SHC1: variants seen among roughly 807,000 people sequenced by gnomAD.
The protein encoded by SHC1 is SHC adaptor protein 1, also known as SHC-transforming protein 1.
A neutral mutation model predicts 55.9 loss-of-function variants in SHC1; 30 were observed. The ratio of observed to expected loss-of-function variants is 0.54; its 90% CI spans 0.40 to 0.73. SHC1 has a LOEUF of 0.73. SHC1 is among the 30% of genes least tolerant of loss of function. The pLI, the probability that SHC1 is intolerant of heterozygous loss-of-function variation, is 0.00. For synonymous variants in SHC1, 309 were observed against 306.1 expected, an observed-to-expected ratio of 1.01 and a Z score of -0.10; for missense variants, 675 against 777.1, an observed-to-expected ratio of 0.87 and a Z score of 1.56.
chr1:154,970,781 C>T (rs1193195224), upstream of SHC1: 3 of 389,328 alleles, frequency 7.7e-6, no homozygotes, highest in African/African-American at 2.1e-5. This position sits in a 1 kb window ranked among gnomAD's most constrained non-coding sequence, Gnocchi z 5.5. Flanking sequence ...CCCAGCGCTT[C>T]TGGCTCCTCC....
chr1:154,966,637 T>C, intron 7 of SHC1, 120 bp from the exon 8 acceptor site: 1 of 662,562 alleles, frequency 1.5e-6, no homozygotes, highest in Non-Finnish European at 2.5e-6. Flanking sequence ...TGAGGCTGAG[T>C]GTTTTATATA....
At chr1:154,965,841 G>A (rs1173027694) in intron 10 of SHC1, 60 bp from the exon 11 acceptor site, 13 of 1,576,448 alleles carry the variant, frequency 8.2e-6, no homozygotes, top group Non-Finnish European at 1.1e-5. Flanking sequence ...CCAAGACCCA[G>A]ACTTCAGGGA....
intron 11 of SHC1, chr1:154,965,250 T>A (rs1287032443): frequency 1.5e-6 from 1 of 656,690 alleles, no homozygotes; most frequent in Non-Finnish European, 2.3e-6. Context: ...TTGGTCAGGC[T>A]GGTCTCGAAC....
chr1:154,967,858 G>A, intron 6 of SHC1, 61 bp from the exon 7 acceptor site: 4 of 1,606,836 alleles, frequency 2.5e-6, no homozygotes, highest in Non-Finnish European at 3.4e-6. Context: ...ACAGACAGGG[G>A]CCCTCATCTT....
intron 11 of SHC1, chr1:154,964,226 G>C: frequency 2.0e-6 from 1 of 511,988 alleles, no homozygotes; most frequent in Non-Finnish European, 3.9e-6. Flanking sequence ...TCTCAGAAGA[G>C]TATACACAGT....
Position 154,965,653 on chromosome 1 carries a change from T to C in SHC1, c.1516A>G (p.Asn506Asp), listed in dbSNP as rs1655859919. ...CTCTCCCGTACCAGGAAGTCCCCAT[T>C]GAGCTGCAGCAGTGCCTCAGCCTCC... ...RREAEALLQLNGDFLVRESTT... is the reference protein window; with the variant it reads ...RREAEALLQLDGDFLVRESTT... Residue 506 changes from asparagine to aspartate, a missense_variant, in exon 11 of 12, where the codon AAT becomes GAT. Physicochemically the swap from Asn to Asp is conservative, Grantham distance 23 (BLOSUM62 1). Transcript: ENST00000448116. 6.8e-6 allele frequency: 11 copies of C among 1,614,014 alleles called. No homozygotes were observed. The highest frequency in any genetic ancestry group is 9.3e-6 in the Non-Finnish European group (11 of 1,179,996).
intron 11 of SHC1, 24 bp downstream of exon 11, chr1:154,965,519 C>T: frequency 6.2e-7 from 1 of 1,614,164 alleles, no homozygotes; most frequent in Non-Finnish European, 8.5e-7. Flanking sequence ...TGCCACCCCT[C>T]ACCCACACCT....
Position 154,966,456 on chromosome 1 carries a change from A to G in SHC1, c.1045T>C (p.Tyr349His). The G allele has an allele frequency of 4.3e-6, 7 of 1,612,008 alleles. No homozygotes were observed. Among genetic ancestry groups the G allele is most frequent in the Non-Finnish European group, 5.9e-6 (7 of 1,178,970 alleles). ...EEEEEPPDHQ[Y>H]YNDFPGKEPP... is the part of the protein sequence containing the mutation. ...TCCTTCCCCGGGAAGTCATTATAGT[A>G]CTGATGGTCAGGTGGCTCTTCCTCC... Residue 349 changes from tyrosine to histidine, a missense_variant, in exon 8 of 12, where the codon TAC (tyrosine) becomes CAC (histidine). By Grantham distance (83) the Tyr-to-His change is moderately conservative. Around this residue, in one of 3 missense-constraint regions of SHC1, gnomAD observed 360 missense variants for 371.1 expected, o/e 0.97. Coordinates refer to ENST00000448116, the MANE Select transcript of SHC1 (RefSeq NM_001130040.2).
chr1:154,967,563 C>T (rs1255624438), intron 7 of SHC1, 108 bp downstream of exon 7: 12 of 1,202,534 alleles, frequency 1.0e-5, no homozygotes, highest in Non-Finnish European at 1.3e-5. Context: ...GAAGCAGAGG[C>T]ACACAGGTTA....
rs764185637 is a variant in SHC1 at position 154,963,808 on chromosome 1, GT to G, written c.1749del (p.Lys583AsnfsTer6). 5.0e-6 allele frequency: 8 copies of G among 1,613,772 alleles called. No homozygotes were observed. Among genetic ancestry groups the G allele is most frequent in the African/African-American group, 1.3e-5 (1 of 74,932 alleles). The stretch of plus-strand genomic sequence containing the variant: ...GAAGAGAGCGCTAGGGCAGATCACA[GT>G]TTCCGCTCCACAGGTTGCTGTAGAC... ...ELCLQQPVER[K>X]L On this transcript the variant is annotated frameshift_variant, in exon 12 of 12. Transcript: ENST00000448116. LOFTEE classifies it high-confidence loss of function.
upstream of SHC1, among the ~76,000 whole-genome samples, chr1:154,972,879 G>A (rs986672179): frequency 2.0e-5 from 3 of 151,708 alleles, no homozygotes; most frequent in African/African-American, 7.3e-5. Context: ...TAGGGGGAGG[G>A]GAAGAGACAG....
intron 7 of SHC1, 133 bp from the exon 8 acceptor site, chr1:154,966,650 T>TA (rs1656025686): frequency 1.7e-6 from 1 of 599,842 alleles, no homozygotes; most frequent in Non-Finnish European, 2.8e-6. Flanking sequence ...TTTATATACA[T>TA]AATCATTTCA....
In SHC1 at chr1:154,966,535, G is replaced by A. The variant is rs1209052274; in HGVS notation, c.984-18C>T. 1 of 1,535,520 alleles carries A rather than the reference G, an allele frequency of 6.5e-7. No individual in the cohort carries two copies. On this transcript the variant is annotated intron_variant, in intron 7 of 11. Coordinates refer to ENST00000448116, the MANE Select transcript of SHC1 (RefSeq NM_001130040.2). ...CAGCCATCCTGAGGGACAGGACAGT[G>A]AAGCTGTGGCTGTAAATGTGTGGTG...
rs2102102016 is a variant in SHC1 at position 154,968,093 on chromosome 1, C to G, written c.805-62G>C. On this transcript the variant is annotated intron_variant, in intron 5 of 11. Transcript: ENST00000448116. ...TTACTCCTGACCCCTAAAACCCAGT[C>G]CTTTTCAGATATCCCCACAATCCTA... 4 of 1,598,684 alleles carry G rather than the reference C, an allele frequency of 2.5e-6. 1 individual carries two copies. In the South Asian group the frequency reaches 4.4e-5, roughly 18 times the overall value.
rs745954275 is a variant in SHC1 at position 154,968,614 on chromosome 1, G to C, written c.631C>G (p.Pro211Ala). 1 of 1,613,940 alleles carries C rather than the reference G, an allele frequency of 6.2e-7. No homozygotes were observed. The highest frequency in any genetic ancestry group is 1.3e-5 in the African/African-American group (1 of 74,864). The change falls in exon 4 of 12, where the codon CCC becomes GCC. Residue 211 changes from proline to alanine, a missense_variant and splice_region_variant. Around this residue, in one of 3 missense-constraint regions of SHC1, gnomAD observed 159 missense variants for 246.9 expected, o/e 0.64. Coordinates refer to ENST00000448116, the MANE Select transcript of SHC1 (RefSeq NM_001130040.2). The stretch of plus-strand genomic sequence containing the variant: ...ATAGAGCTGAGCGGGCGGCTACAGG[G>C]CTAAGGTAGGGCCCAGGGTCTCAGA... ...GAKGATRRRK[P>A]CSRPLSSILG...
In SHC1 at chr1:154,965,760, C is replaced by A; in HGVS notation, c.1409G>T (p.Arg470Leu). 1 of 1,613,072 alleles carries A rather than the reference C, an allele frequency of 6.2e-7. No individual in the cohort carries two copies. The highest frequency in any genetic ancestry group is 8.5e-7 in the Non-Finnish European group (1 of 1,179,316). The change falls in exon 11 of 12, where the codon CGC becomes CTC. Residue 470 changes from arginine to leucine, a missense_variant. By Grantham distance (102) the Arg-to-Leu change is moderately radical. This residue lies in a region of SHC1 where 360 missense variants were observed against 371.1 expected (regional missense o/e 0.97). Coordinates refer to ENST00000448116, the MANE Select transcript of SHC1 (RefSeq NM_001130040.2). Reference sequence around the variant, plus strand: ...CACCGACTGGGGAGGTGGAGGCACGCGAAGAGCATCTTCGAAGGGCTCTGG... The same window carrying A: ...CACCGACTGGGGAGGTGGAGGCACGAGAAGAGCATCTTCGAAGGGCTCTGG... ...FDMKPFEDAL[R>L]VPPPPQSVSM...
chr1:154,965,763 A>G lies in SHC1; in HGVS notation c.1406T>C (p.Leu469Pro). Residue 469 changes from leucine to proline, a missense_variant, in exon 11 of 12, where the codon CTT becomes CCT. By Grantham distance (98) the Leu-to-Pro change is moderately conservative. Coordinates refer to ENST00000448116, the MANE Select transcript of SHC1 (RefSeq NM_001130040.2). ...CGACTGGGGAGGTGGAGGCACGCGA[A>G]GAGCATCTTCGAAGGGCTCTGGAAG... ...LFDMKPFEDA[L>P]RVPPPPQSVS... 1 of 1,613,396 alleles carries G rather than the reference A, an allele frequency of 6.2e-7. No homozygotes were observed. Among genetic ancestry groups the G allele is most frequent in the Non-Finnish European group, 8.5e-7 (1 of 1,179,414 alleles).
rs575922097 is a variant in SHC1, at chr1:154,964,005, G to C, written c.1627-74C>G. Reference sequence around the variant, plus strand: ...AGACCTCAGCCTCCAAGGTGGAAGAGGGTGAAACAGACAAGAGGCTTGAAG... The same window carrying C: ...AGACCTCAGCCTCCAAGGTGGAAGACGGTGAAACAGACAAGAGGCTTGAAG... On this transcript the variant is annotated intron_variant, in intron 11 of 11. Coordinates refer to ENST00000448116, the MANE Select transcript of SHC1 (RefSeq NM_001130040.2). The C allele has an allele frequency of 4.7e-4, 720 of 1,524,686 alleles. 2 individuals are homozygous for C. The African/African-American group carries it at 8.8e-3, about 19-fold the overall frequency. The allele number at this position is 1,524,686 out of a possible 1,614,324, so 94.4% of individuals were successfully genotyped here. A position where few individuals can be genotyped will look rare whatever the true frequency, so the allele number is the denominator to read the frequency against.
rs1178998394 is a variant in SHC1, at chr1:154,963,176, C to CT, written c.*626dup. Reference sequence around the variant, plus strand: ...CGGGAGTGGGGCTCTGGGGCAATCTCTAAGGGTTGCATATCCCCAGGGAGA... The same window carrying CT: ...CGGGAGTGGGGCTCTGGGGCAATCTCTTAAGGGTTGCATATCCCCAGGGAGA... On this transcript the variant is annotated 3_prime_UTR_variant, in exon 12 of 12. Transcript: ENST00000448116. The CT allele has an allele frequency of 2.0e-5, 3 of 153,374 alleles. No individual in the cohort carries two copies. The highest frequency in any genetic ancestry group is 7.2e-5 in the African/African-American group (3 of 41,444). 9.5% of individuals were successfully genotyped at this position (153,374 alleles called of 1,614,324 possible).
Sources: gnomAD v4.1 joint callset for allele counts (sites outside exome capture counted in the v4.1 genomes callset) on GRCh38, gnomAD v4.1.1 for gene constraint, gnomAD v4.1.1 regional missense constraint, Gnocchi (gnomAD v3.1) non-coding constraint, MANE v1.5 for transcripts, NCBI Gene and HGNC (gene_info 2026-07-23, HGNC 2026-07-21) for gene names.